Variants in DDAH1 observed in about 807,000 individuals in gnomAD.
DDAH1 encodes N(G),N(G)-dimethylarginine dimethylaminohydrolase 1.
Under a neutral mutation model 28.8 loss-of-function variants are expected in DDAH1, and 19 were observed. The ratio of observed to expected loss-of-function variants is 0.66; its 90% confidence interval spans 0.46 to 0.97. The LOEUF is 0.97. Ranked by LOEUF, DDAH1 falls within the 50% of genes least tolerant of loss-of-function variation. The probability of loss-of-function intolerance (pLI) is 0.00; values close to 1 mark genes in which losing one functional copy is unlikely to be tolerated. For missense variants in DDAH1, 326 were observed against 375.9 expected (o/e 0.87, Z 1.10); for synonymous variants, 153 against 154.4 (o/e 0.99, Z 0.07).
At chr1:85,388,479 G>A (rs1246056877) in intron 1 of DDAH1, among the ~76,000 whole-genome samples, 3 of 152,160 alleles carry the variant, frequency 2.0e-5, no homozygotes, top group African/African-American at 4.8e-5. Context: ...TGTAAGCCTT[G>A]TTCACAGTGA....
At chr1:85,536,036 G>A (rs543729708) in intron 1 of DDAH1, among the ~76,000 whole-genome samples, 5 of 152,046 alleles carry the variant, frequency 3.3e-5, no homozygotes, top group South Asian at 2.1e-4. Context: ...TAAGTTGGGC[G>A]GATCACCTGA....
intron 1 of DDAH1, among the ~76,000 whole-genome samples, chr1:85,454,520 G>A (rs1654800044): frequency 6.6e-6 from 1 of 152,194 alleles, no homozygotes; most frequent in Non-Finnish European, 1.5e-5. Context: ...GCTGAATGGT[G>A]CAATCCAGTT....
At position 85,508,626 on chromosome 1, in the gene DDAH1, G is replaced by A. The variant is rs189293137; in HGVS notation, c.-122-12345C>T. The stretch of plus-strand genomic sequence containing the variant: ...CAGGACACTTCTGCCCAAATACTGG[G>A]CTTTTCCCAAGGTCTTAGCAACCGG... On this transcript the variant is annotated intron_variant, in intron 1 of 6. Coordinates refer to the DDAH1 transcript ENST00000426972. 2.4e-3 allele frequency among the ~76,000 whole-genome samples: 367 copies of A among 152,356 alleles called. 1 individual carries two copies. Among genetic ancestry groups the A allele is most frequent in the African/African-American group, 8.3e-3 (345 of 41,580 alleles).
chr1:85,450,815 GA>G (rs1654638632), intron 1 of DDAH1, among the ~76,000 whole-genome samples: 1 of 152,134 alleles, frequency 6.6e-6, no homozygotes, highest in South Asian at 2.1e-4. Context: ...AAAATATATC[GA>G]ATGTGTAAAG....
At chr1:85,458,424 C>CTTTTT (rs3058826) in intron 1 of DDAH1, among the ~76,000 whole-genome samples, 1 of 101,760 alleles carries the variant, frequency 9.8e-6, no homozygotes, top group African/African-American at 3.9e-5. Context: ...TACACACACA[C>CTTTTT]TTTTTTTTTT....
intron 1 of DDAH1, among the ~76,000 whole-genome samples, chr1:85,367,091 A>T (rs1650116044): frequency 6.6e-6 from 1 of 152,182 alleles, no homozygotes; most frequent in South Asian, 2.1e-4. Flanking sequence ...ATCCAACCCT[A>T]GAGCCCTGGA....
chr1:85,364,155 C>T (rs535913884), intron 1 of DDAH1, among the ~76,000 whole-genome samples: 28 of 152,170 alleles, frequency 1.8e-4, no homozygotes, highest in African/African-American at 5.1e-4. Flanking sequence ...GTCAAGCCTC[C>T]GGAGCCCATC....
At chr1:85,374,665 C>G (rs1650563359) in intron 1 of DDAH1, among the ~76,000 whole-genome samples, 1 of 151,950 alleles carries the variant, frequency 6.6e-6, no homozygotes, top group South Asian at 2.1e-4. Flanking sequence ...ATCTATCACA[C>G]AAACTTCAAC....
intron 2 of DDAH1, among the ~76,000 whole-genome samples, chr1:85,481,056 T>C (rs1214793258): frequency 4.6e-5 from 7 of 151,236 alleles, no homozygotes; most frequent in Non-Finnish European, 1.0e-4. Context: ...TTAAGAAGCA[T>C]ATACTTCATA....
At chr1:85,383,249 A>G (rs1651088056) in intron 1 of DDAH1, among the ~76,000 whole-genome samples, 1 of 152,246 alleles carries the variant, frequency 6.6e-6, no homozygotes, top group African/African-American at 2.4e-5. Context: ...CTACATTAAC[A>G]GAAGTTTGGA....
chr1:85,503,986 T>A (rs914585442), intron 1 of DDAH1, among the ~76,000 whole-genome samples: 1 of 152,148 alleles, frequency 6.6e-6, no homozygotes, highest in African/African-American at 2.4e-5. Context: ...AAGTCCACAG[T>A]AAAGAGTTTG....
Position 85,464,393 on chromosome 1 carries a change from C to T in DDAH1, c.303+350G>A. On this transcript the variant is annotated intron_variant, in intron 1 of 5. Transcript: ENST00000284031. The surrounding 1 kb of genome is among the most constrained non-coding windows in gnomAD (Gnocchi z 4.4). ...CGCCCTACCGGAGCGGCACCCCTCG[C>T]GGCCCTCGCTCCCTGGGAAACACTC... 3.6e-6 allele frequency: 4 copies of T among 1,120,174 alleles called. No individual in the cohort carries two copies. The highest frequency in any genetic ancestry group is 4.9e-6 in the Non-Finnish European group (4 of 820,832). The allele number at this position is 1,120,174 out of a possible 1,614,324, so 69.4% of individuals were successfully genotyped here.
Position 85,321,522 on chromosome 1 carries a change from G to A in DDAH1, c.788C>T (p.Ser263Phe). 1.9e-6 allele frequency: 3 copies of A among 1,614,154 alleles called. No homozygotes were observed. Among genetic ancestry groups the A allele is most frequent in the Non-Finnish European group, 2.5e-6 (3 of 1,179,998 alleles). Residue 263 changes from serine to phenylalanine, a missense_variant, in exon 6 of 6, where the codon TCT becomes TTT. Transcript: ENST00000284031. ...KDHMLIPVSM[S>F]ELEKVDGLLT... ...CAGCCCATCCACCTTTTCCAGTTCA[G>A]ACATGCTCACGGGGATCAGCATATG...
chr1:85,385,988 T>A (rs1651236824), intron 1 of DDAH1, among the ~76,000 whole-genome samples: 1 of 152,106 alleles, frequency 6.6e-6, no homozygotes, highest in Admixed American at 6.6e-5. Context: ...TTGCAGGAAC[T>A]AATAGAGTGA....
chr1:85,516,152 T>C (rs1229723481), intron 1 of DDAH1, among the ~76,000 whole-genome samples: 3 of 151,966 alleles, frequency 2.0e-5, no homozygotes, highest in Admixed American at 6.6e-5. Context: ...AACAGTCACA[T>C]TCTGAGGTAC....
intron 1 of DDAH1, among the ~76,000 whole-genome samples, chr1:85,545,866 C>T (rs56327957): frequency 0.11 from 16,808 of 152,022 alleles, 1,069 homozygotes; most frequent in Non-Finnish European, 0.15. Context: ...AAAAGTCTAA[C>T]CTCAAGTGTG....
At chr1:85,555,008 G>A (rs1453661372) in intron 1 of DDAH1, among the ~76,000 whole-genome samples, 1 of 152,216 alleles carries the variant, frequency 6.6e-6, no homozygotes, top group Non-Finnish European at 1.5e-5. Context: ...GCTCAGTTAT[G>A]ACATCATTTG....
intron 4 of DDAH1, among the ~76,000 whole-genome samples, chr1:85,336,191 G>C (rs233063): frequency 0.053 from 8,131 of 152,056 alleles, 752 homozygotes; most frequent in African/African-American, 0.19. Context: ...AATAGCTGCA[G>C]AATACACATT....
At chr1:85,577,204 C>T (rs908265967) in intron 1 of DDAH1, among the ~76,000 whole-genome samples, 1 of 152,104 alleles carries the variant, frequency 6.6e-6, no homozygotes, top group Non-Finnish European at 1.5e-5. Context: ...CGGACCCTCT[C>T]CGCTCCCTCC....
Sources: gnomAD v4.1 joint callset for allele counts (sites outside exome capture counted in the v4.1 genomes callset) on GRCh38, gnomAD v4.1.1 for gene constraint, Gnocchi (gnomAD v3.1) non-coding constraint, MANE v1.5 for transcripts, NCBI Gene and HGNC (gene_info 2026-07-23, HGNC 2026-07-21) for gene names.